SIM1: variants seen among roughly 807,000 people sequenced by gnomAD.
The protein encoded by SIM1 is single-minded homolog 1.
Under a neutral mutation model 78.2 loss-of-function variants are expected in SIM1, and 18 were observed. The observed-to-expected ratio is 0.23, with a 90% confidence interval of 0.16 to 0.34. The LOEUF is 0.34. Ranked by LOEUF, SIM1 falls within the 10% of genes least tolerant of loss-of-function variation. The pLI, the probability that SIM1 is intolerant of heterozygous loss-of-function variation, is 1.00. For missense variants in SIM1, 939 were observed against 975.1 expected (o/e 0.96, Z 0.49); for synonymous variants, 417 against 385.2 (o/e 1.08, Z -0.97).
intron 10 of SIM1, among the ~76,000 whole-genome samples, chr6:100,400,329 A>G (rs1241081805): frequency 6.6e-6 from 1 of 152,014 alleles, no homozygotes; most frequent in Admixed American, 6.5e-5. Context: ...TAGATGCCCA[A>G]TCATCAAAAT....
intron 2 of SIM1, among the ~76,000 whole-genome samples, chr6:100,460,669 C>A (rs1334857988): frequency 6.6e-6 from 1 of 152,148 alleles, no homozygotes; most frequent in Non-Finnish European, 1.5e-5. Flanking sequence ...ATAAAGTGAT[C>A]AGTTTCCCCA....
intron 9 of SIM1, chr6:100,427,160 C>T (rs983868588): frequency 3.9e-5 from 6 of 152,200 alleles, no homozygotes; most frequent in Non-Finnish European, 8.8e-5. Flanking sequence ...AGCAGAGAGA[C>T]CTACTTTATG....
Position 100,385,315 on chromosome 6 carries a change from CA to C in SIM1, c.*5045del, listed in dbSNP as rs1770492316. ...ATAATCCTTTTTATAGCACATTAGTCAAAAAACAAATGTAAAATATTTTATC... is the reference window on the plus strand; with the variant it reads ...ATAATCCTTTTTATAGCACATTAGTCAAAAACAAATGTAAAATATTTTATC... On this transcript the variant is annotated 3_prime_UTR_variant, in exon 12 of 12. Transcript: ENST00000369208. 1 of 151,434 alleles carries C rather than the reference CA, an allele frequency of 6.6e-6. No homozygotes were observed. The highest frequency in any genetic ancestry group is 1.5e-5 in the Non-Finnish European group (1 of 67,826). The allele number at this position is 151,434 out of a possible 1,614,324, so 9.4% of individuals were successfully genotyped here.
chr6:100,427,774 G>C (rs913331578), intron 9 of SIM1, among the ~76,000 whole-genome samples: 2 of 152,116 alleles, frequency 1.3e-5, no homozygotes, highest in African/African-American at 4.8e-5. Flanking sequence ...CTTCCTCTGA[G>C]TTCCTATACC....
intron 10 of SIM1, among the ~76,000 whole-genome samples, chr6:100,406,668 C>T (rs1268700486): frequency 6.6e-6 from 1 of 152,108 alleles, no homozygotes; most frequent in Non-Finnish European, 1.5e-5. Context: ...CAATATACAT[C>T]AGAACCTTTG....
chr6:100,451,936 C>T (rs1018758104), intron 3 of SIM1, among the ~76,000 whole-genome samples: 2 of 152,134 alleles, frequency 1.3e-5, no homozygotes, highest in African/African-American at 4.8e-5. Context: ...AGAGTCTAGA[C>T]TAGAGAAACC....
chr6:100,423,474 A>C (rs975343090), intron 9 of SIM1, among the ~76,000 whole-genome samples: 1 of 152,188 alleles, frequency 6.6e-6, no homozygotes, highest in Admixed American at 6.5e-5. Context: ...CCAGTTCCTG[A>C]GTATTTTGGG....
At chr6:100,444,514 C>T (rs1293926152) in intron 9 of SIM1, among the ~76,000 whole-genome samples, 2 of 152,088 alleles carry the variant, frequency 1.3e-5, no homozygotes, top group African/African-American at 4.8e-5. Context: ...CACTGAACCT[C>T]GGAGACCCAG....
chr6:100,446,101 T>C (rs1772345613), intron 9 of SIM1, among the ~76,000 whole-genome samples: 1 of 152,238 alleles, frequency 6.6e-6, no homozygotes, highest in Non-Finnish European at 1.5e-5. Flanking sequence ...TGAATCCTCA[T>C]CTAAGCCAAA....
At chr6:100,404,345 G>C (rs144344818) in intron 10 of SIM1, among the ~76,000 whole-genome samples, 60 of 152,228 alleles carry the variant, frequency 3.9e-4, no homozygotes, top group African/African-American at 1.4e-3. Context: ...GCAGCTCATT[G>C]AGGTTTTTAT....
rs1272128112 is a variant in SIM1 at position 100,448,262 on chromosome 6, G to GCA, written c.744-12_744-11dup. ...CGTCAGCTCCGCCACCCTGAGGAGA[G>GCA]CAATCCCTGCAGGATGAATGCAGGC... On this transcript the variant is annotated splice_polypyrimidine_tract_variant and intron_variant, in intron 7 of 11. Coordinates refer to ENST00000369208, the MANE Select transcript of SIM1 (RefSeq NM_005068.3). 2 of 1,603,906 alleles carry GCA rather than the reference G, an allele frequency of 1.2e-6. No homozygotes were observed. Among genetic ancestry groups the GCA allele is most frequent in the Admixed American group, 3.4e-5 (2 of 59,588 alleles).
intron 11 of SIM1, among the ~76,000 whole-genome samples, chr6:100,391,607 T>A (rs1770640963): frequency 6.6e-6 from 1 of 152,244 alleles, no homozygotes; most frequent in Non-Finnish European, 1.5e-5. Flanking sequence ...GCTAAATATA[T>A]CTTAAGTAGA....
At chr6:100,448,075 C>G in intron 8 of SIM1, 71 bp downstream of exon 8, 1 of 1,267,968 alleles carries the variant, frequency 7.9e-7, no homozygotes, top group South Asian at 1.3e-5. Context: ...GGATTTAAAT[C>G]GTGGCTCCCC....
At chr6:100,409,278 T>C (rs373799632) in intron 10 of SIM1, among the ~76,000 whole-genome samples, 11 of 152,126 alleles carry the variant, frequency 7.2e-5, no homozygotes, top group African/African-American at 2.7e-4. Context: ...TGGTAGACTG[T>C]ATGTTCTGGA....
chr6:100,427,292 T>C (rs1313385518), intron 9 of SIM1: 7 of 152,242 alleles, frequency 4.6e-5, no homozygotes, highest in African/African-American at 1.4e-4. Flanking sequence ...GGAAATGTAA[T>C]AGTCTCATAC....
Position 100,447,250 on chromosome 6 carries a change from T to G in SIM1, c.998+18A>C. On this transcript the variant is annotated intron_variant, in intron 9 of 11. Transcript: ENST00000369208. ...GGGTCGCCTGGGGTGGGTGAAGGGG[T>G]CTCAGTCTTGCACTCACGTGAGGAC... 6.2e-7 allele frequency: 1 copy of G among 1,612,030 alleles called. No individual in the cohort carries two copies. The highest frequency in any genetic ancestry group is 8.5e-7 in the Non-Finnish European group (1 of 1,178,618).
intron 4 of SIM1, 59 bp downstream of exon 4, chr6:100,450,208 C>T: frequency 6.8e-7 from 1 of 1,461,032 alleles, no homozygotes; most frequent in Non-Finnish European, 9.6e-7. Flanking sequence ...AGCCCCCTAC[C>T]CCTGCTTCCA....
rs759319419 is a variant in SIM1 at position 100,463,481 on chromosome 6, C to T, written c.-13G>A. On this transcript the variant is annotated 5_prime_UTR_variant, in exon 2 of 12. Transcript: ENST00000369208. ...ACTTTTCTTTCATTGTGTCTTGTTC[C>T]CCCTTTCTTCTCACAACTTAAGCTC... 3.8e-6 allele frequency: 6 copies of T among 1,589,396 alleles called. No homozygotes were observed.
intron 2 of SIM1, among the ~76,000 whole-genome samples, chr6:100,459,024 A>C (rs1466610346): frequency 6.6e-6 from 1 of 152,204 alleles, no homozygotes; most frequent in Non-Finnish European, 1.5e-5. Flanking sequence ...AAGTGCGGTG[A>C]GAATCTATGG....
Sources: gnomAD v4.1 joint callset for allele counts (sites outside exome capture counted in the v4.1 genomes callset) on GRCh38, gnomAD v4.1.1 for gene constraint, MANE v1.5 for transcripts, NCBI Gene and HGNC (gene_info 2026-07-23, HGNC 2026-07-21) for gene names.